SLC4A4: variants seen among roughly 807,000 people sequenced by gnomAD.
The protein encoded by SLC4A4 is solute carrier family 4 member 4, also known as electrogenic sodium bicarbonate cotransporter 1.
In SLC4A4, 27 loss-of-function variants were observed where a neutral mutation model predicts 111.5. That is an observed-to-expected ratio of 0.24 (90% CI 0.18 to 0.33). SLC4A4 has a LOEUF of 0.33. SLC4A4 is among the 10% of genes least tolerant of loss of function. The probability of loss-of-function intolerance (pLI) is 1.00; values close to 1 mark genes in which losing one functional copy is unlikely to be tolerated. For synonymous variants in SLC4A4, 443 were observed against 463.4 expected (o/e 0.96, Z 0.57); for missense variants, 909 against 1,315.5 (o/e 0.69, Z 4.78).
At chr4:71,509,182 A>T (rs1292735076) in intron 16 of SLC4A4, among the ~76,000 whole-genome samples, 1 of 152,248 alleles carries the variant, frequency 6.6e-6, no homozygotes, top group Non-Finnish European at 1.5e-5. Context: ...ATTCTCCTTG[A>T]AAACCAGTAC....
chr4:71,071,720 C>A (rs1236198795), intron 1 of SLC4A4, among the ~76,000 whole-genome samples: 1 of 152,142 alleles, frequency 6.6e-6, no homozygotes, highest in Non-Finnish European at 1.5e-5. Flanking sequence ...TTTAACTCTA[C>A]TATCTTGAAG....
intron 3 of SLC4A4, among the ~76,000 whole-genome samples, chr4:71,335,909 G>A (rs911671237): frequency 2.0e-5 from 3 of 151,750 alleles, no homozygotes; most frequent in Non-Finnish European, 4.4e-5. Flanking sequence ...TTATTTTAAT[G>A]TTCTGCATAC....
At chr4:71,271,648 T>A (rs1045398322) in intron 3 of SLC4A4, among the ~76,000 whole-genome samples, 10 of 152,098 alleles carry the variant, frequency 6.6e-5, no homozygotes, top group Non-Finnish European at 1.5e-4. Flanking sequence ...TACAGAGAAG[T>A]GGAGATTTTA....
At chr4:71,268,552 A>G (rs904068930) in intron 3 of SLC4A4, among the ~76,000 whole-genome samples, 2 of 152,092 alleles carry the variant, frequency 1.3e-5, no homozygotes, top group Non-Finnish European at 1.5e-5. Context: ...GCAAAGGGAG[A>G]TTTTCTTTAG....
At chr4:71,341,086 TA>T (rs1188891349) in intron 4 of SLC4A4, among the ~76,000 whole-genome samples, 2 of 152,172 alleles carry the variant, frequency 1.3e-5, no homozygotes, top group African/African-American at 2.4e-5. Flanking sequence ...TTCACTTTCA[TA>T]AACAAGATAA....
intron 5 of SLC4A4, among the ~76,000 whole-genome samples, chr4:71,352,113 C>T (rs543344075): frequency 6.6e-6 from 1 of 152,206 alleles, no homozygotes; most frequent in East Asian, 1.9e-4. Context: ...TCATTAAAAG[C>T]TGCAAGAAAG....
chr4:71,418,123 T>C (rs948646285), intron 7 of SLC4A4, among the ~76,000 whole-genome samples: 1 of 152,226 alleles, frequency 6.6e-6, no homozygotes, highest in East Asian at 1.9e-4. Flanking sequence ...ACAAGTTGAT[T>C]TTTAAACTGG....
At chr4:71,365,687 G>A (rs1731186730) in intron 6 of SLC4A4, among the ~76,000 whole-genome samples, 1 of 152,120 alleles carries the variant, frequency 6.6e-6, no homozygotes, top group African/African-American at 2.4e-5. Flanking sequence ...TTTAAAGTAG[G>A]CCAGGATTTC....
At chr4:71,087,145 T>TA (rs1334490742) in intron 1 of SLC4A4, among the ~76,000 whole-genome samples, 2 of 152,098 alleles carry the variant, frequency 1.3e-5, no homozygotes, top group African/African-American at 4.8e-5. Flanking sequence ...AGGGTGTATG[T>TA]ATCGAGGAAT....
intron 1 of SLC4A4, among the ~76,000 whole-genome samples, chr4:71,086,068 CTT>C (rs1742158335): frequency 6.6e-6 from 1 of 151,844 alleles, no homozygotes; most frequent in South Asian, 2.1e-4. Flanking sequence ...TTTGTATCCT[CTT>C]TTATTTCCTT....
chr4:71,222,418 C>T (rs570299845), intron 1 of SLC4A4, among the ~76,000 whole-genome samples: 2 of 152,318 alleles, frequency 1.3e-5, no homozygotes, highest in Admixed American at 1.3e-4. Context: ...ACCAGCATTC[C>T]CTAAATCTCT....
At chr4:71,410,289 C>T (rs1169254057) in intron 7 of SLC4A4, among the ~76,000 whole-genome samples, 1 of 152,148 alleles carries the variant, frequency 6.6e-6, no homozygotes, top group African/African-American at 2.4e-5. Flanking sequence ...ACACTCAATG[C>T]CAGCCCATGA....
chr4:71,466,776 T>G (rs183847332), intron 13 of SLC4A4, among the ~76,000 whole-genome samples, 199 bp downstream of exon 13: 1 of 151,968 alleles, frequency 6.6e-6, no homozygotes, highest in Non-Finnish European at 1.5e-5. Flanking sequence ...GAGGCTCTTA[T>G]GTTGTGTGTA....
intron 13 of SLC4A4, among the ~76,000 whole-genome samples, chr4:71,467,154 G>T (rs1162463013): frequency 6.6e-6 from 1 of 152,048 alleles, no homozygotes. Flanking sequence ...CCTGAAGTTA[G>T]TAGTGGCTTC....
In SLC4A4 at chr4:71,255,416, C is replaced by T. The variant is rs553036221; in HGVS notation, c.253+17C>T. 35 of 1,610,204 alleles carry T rather than the reference C, an allele frequency of 2.2e-5. 1 individual carries two copies. Among genetic ancestry groups the T allele is most frequent in the South Asian group, 1.8e-4 (16 of 90,986 alleles). On this transcript the variant is annotated intron_variant, in intron 3 of 25. Coordinates refer to ENST00000264485, the MANE Select transcript of SLC4A4 (RefSeq NM_001098484.3). ...AACCTCTCAGTGAGTACTCTCTGAG[C>T]GTTGGTGCCTCTCTCTGCCTCACTC...
At position 71,156,589 on chromosome 4, in the gene SLC4A4, C is replaced by CGCGCACACAT. The variant is rs112293424; in HGVS notation, c.-2+63797_-2+63798insGCGCACACAT. Reference sequence around the variant, plus strand: ...GTGCGCGCATGCGCGCGCGCGCGCGCACACACACACACACACACACACACA... The same window carrying CGCGCACACAT: ...GTGCGCGCATGCGCGCGCGCGCGCGCGCGCACACATACACACACACACACACACACACACA... On this transcript the variant is annotated intron_variant, in intron 2 of 26. Coordinates refer to the SLC4A4 transcript ENST00000649996. Among the ~76,000 whole-genome samples the CGCGCACACAT allele has an allele frequency of 3.6e-3, 25 of 6,924 alleles. 1 individual carries two copies. In the South Asian group the frequency reaches 0.1, roughly 28 times the overall value. The allele number at this position is 6,924 out of a possible 152,430, so 4.5% of individuals were successfully genotyped here. A position where few individuals can be genotyped will look rare whatever the true frequency, so the allele number is the denominator to read the frequency against.
At chr4:71,361,476 A>C (rs959458416) in intron 6 of SLC4A4, among the ~76,000 whole-genome samples, 2 of 152,252 alleles carry the variant, frequency 1.3e-5, no homozygotes, top group Admixed American at 1.3e-4. Flanking sequence ...TGTAAATTCT[A>C]TGGGCATGCC....
intron 2 of SLC4A4, among the ~76,000 whole-genome samples, chr4:71,247,244 ATAT>A (rs1408015082): frequency 6.8e-6 from 1 of 148,088 alleles, no homozygotes; most frequent in Non-Finnish European, 1.5e-5. Flanking sequence ...ATAAGATATA[ATAT>A]TTAAAAATAT....
chr4:71,146,543 T>G (rs1744176883), intron 2 of SLC4A4, among the ~76,000 whole-genome samples: 2 of 152,254 alleles, frequency 1.3e-5, no homozygotes, highest in African/African-American at 2.4e-5. Flanking sequence ...ATGTGGACAG[T>G]GGGGTGTTAA....
Sources: allele counts gnomAD v4.1 joint callset (sites outside exome capture counted in the v4.1 genomes callset), GRCh38; gene constraint gnomAD v4.1.1; transcripts MANE v1.5; gene names NCBI Gene and HGNC (gene_info 2026-07-23, HGNC 2026-07-21).